PTPN9: variants seen among roughly 807,000 people sequenced by gnomAD.
The protein encoded by PTPN9 is protein tyrosine phosphatase non-receptor type 9.
In PTPN9, 26 loss-of-function variants were observed where a neutral mutation model predicts 69.8. The observed-to-expected ratio is 0.37, with a 90% CI of 0.27 to 0.52. The LOEUF (loss-of-function observed/expected upper bound fraction) is 0.52, where lower values mean the gene tolerates loss of function less well. Among genes scored for constraint, PTPN9 ranks in the 20% least tolerant of loss-of-function variants. The pLI is 0.91. For missense variants in PTPN9, 549 were observed against 740.3 expected (o/e 0.74, Z 3.00); for synonymous variants, 274 against 272.5 (o/e 1.01, Z -0.05).
chr15:75,488,127 A>G (rs1000853638), intron 8 of PTPN9, among the ~76,000 whole-genome samples: 1 of 152,036 alleles, frequency 6.6e-6, no homozygotes, highest in African/African-American at 2.4e-5. Context: ...CTAAAAATAC[A>G]AAAATTAGCC....
intron 1 of PTPN9, among the ~76,000 whole-genome samples, chr15:75,565,713 G>A (rs1179177768): frequency 6.6e-6 from 1 of 152,124 alleles, no homozygotes; most frequent in Non-Finnish European, 1.5e-5. Context: ...GCACTCATTT[G>A]CGAATCATTT....
chr15:75,516,484 T>G (rs977182193), intron 5 of PTPN9, among the ~76,000 whole-genome samples: 14 of 151,064 alleles, frequency 9.3e-5, no homozygotes, highest in Admixed American at 2.0e-4. Context: ...TTTTTTTTTT[T>G]TGTATTTTTA....
At chr15:75,524,432 A>C (rs2074918645) in intron 2 of PTPN9, 134 bp from the exon 3 acceptor site, 4 of 532,474 alleles carry the variant, frequency 7.5e-6, no homozygotes, top group Non-Finnish European at 1.3e-5. Flanking sequence ...TAACTAAATA[A>C]ATTTTGTAAC....
At chr15:75,576,575 C>T (rs2075174747) in intron 1 of PTPN9, among the ~76,000 whole-genome samples, 3 of 151,592 alleles carry the variant, frequency 2.0e-5, no homozygotes, top group South Asian at 2.1e-4. Flanking sequence ...TTTTGGAGGA[C>T]GAGGCGGGCA....
At chr15:75,533,315 G>A (rs1442428631) in intron 1 of PTPN9, among the ~76,000 whole-genome samples, 2 of 152,188 alleles carry the variant, frequency 1.3e-5, no homozygotes, top group African/African-American at 4.8e-5. Context: ...CGAGGATGGA[G>A]TGGAGCAATC....
At chr15:75,544,700 T>C (rs931986823) in intron 1 of PTPN9, among the ~76,000 whole-genome samples, 1 of 152,050 alleles carries the variant, frequency 6.6e-6, no homozygotes, top group Non-Finnish European at 1.5e-5. Context: ...CTCATGCCGC[T>C]AAAGAGTGAG....
rs563866488 is a variant in PTPN9 at position 75,572,104 on chromosome 15, C to T, written c.63+6610G>A. On this transcript the variant is annotated intron_variant, in intron 1 of 12. Coordinates refer to ENST00000618819, the MANE Select transcript of PTPN9 (RefSeq NM_002833.4). ...CCCAGCACTTTGGGCTGCTGAGGCA[C>T]GTGGATTACCTAAGGTCAAGAGTTC... Among the ~76,000 whole-genome samples the T allele has an allele frequency of 2.1e-4, 32 of 151,906 alleles. No homozygotes were observed. In the South Asian group the frequency reaches 6.4e-3, roughly 31 times the overall value.
intron 8 of PTPN9, among the ~76,000 whole-genome samples, chr15:75,488,344 T>G (rs1435988209): frequency 7.1e-6 from 1 of 140,530 alleles, no homozygotes; most frequent in African/African-American, 2.5e-5. Context: ...CAATGCTGGG[T>G]TTTTTTTTTT....
intron 9 of PTPN9, among the ~76,000 whole-genome samples, chr15:75,479,574 C>T (rs952883054): frequency 6.6e-6 from 1 of 152,176 alleles, no homozygotes; most frequent in Admixed American, 6.5e-5. Context: ...CTTGCCAATA[C>T]TAAGAAATAG....
At chr15:75,535,952 G>C (rs1474493454) in intron 1 of PTPN9, among the ~76,000 whole-genome samples, 1 of 152,040 alleles carries the variant, frequency 6.6e-6, no homozygotes, top group Non-Finnish European at 1.5e-5. Context: ...AATATTTACT[G>C]GTTTATCTCA....
chr15:75,514,671 ATG>A (rs536902503), intron 5 of PTPN9, among the ~76,000 whole-genome samples: 4 of 152,294 alleles, frequency 2.6e-5, no homozygotes, highest in Non-Finnish European at 5.9e-5. Flanking sequence ...CACACATTAT[ATG>A]TGTGTGTGTA....
chr15:75,555,122 A>G (rs186113728), intron 1 of PTPN9, among the ~76,000 whole-genome samples: 49 of 152,334 alleles, frequency 3.2e-4, no homozygotes, highest in African/African-American at 1.1e-3. Flanking sequence ...GAGAAAAATC[A>G]TGATAAATGC....
intron 1 of PTPN9, among the ~76,000 whole-genome samples, chr15:75,567,581 A>G (rs939274559): frequency 2.0e-5 from 3 of 152,238 alleles, no homozygotes; most frequent in African/African-American, 7.2e-5. Context: ...GAATAATTCA[A>G]TAAACTTACC....
chr15:75,473,860 A>C (rs1274513162), intron 9 of PTPN9, 93 bp from the exon 10 acceptor site: 1 of 945,694 alleles, frequency 1.1e-6, no homozygotes, highest in African/African-American at 1.6e-5. Context: ...TGGTAACTCC[A>C]AACCATAGAT....
chr15:75,494,963 G>A (rs1346279147), intron 7 of PTPN9, among the ~76,000 whole-genome samples: 1 of 152,058 alleles, frequency 6.6e-6, no homozygotes, highest in Non-Finnish European at 1.5e-5. Context: ...GGTGGAGGTT[G>A]CGGTGAGCTG....
intron 1 of PTPN9, among the ~76,000 whole-genome samples, chr15:75,564,025 A>C (rs1209918112): frequency 3.3e-5 from 5 of 152,046 alleles, no homozygotes; most frequent in Admixed American, 3.3e-4. Flanking sequence ...AAACATTTGG[A>C]GGTATACATG....
Position 75,535,605 on chromosome 15 carries a change from TC to T in PTPN9, c.64-8345del, listed in dbSNP as rs201667522. ...TGAAGACCTAAATAAGGAAAGTGAT[TC>T]AAGATAAGATGCAATGTCTGGCTTT... On this transcript the variant is annotated intron_variant, in intron 1 of 12. Transcript: ENST00000618819. Among the ~76,000 whole-genome samples, 55 of 152,314 alleles carry T rather than the reference TC, an allele frequency of 3.6e-4. No individual in the cohort carries two copies. In the East Asian group the frequency reaches 8.5e-3, roughly 23 times the overall value.
intron 1 of PTPN9, among the ~76,000 whole-genome samples, chr15:75,545,818 G>A (rs536960548): frequency 2.6e-5 from 4 of 152,186 alleles, no homozygotes; most frequent in East Asian, 1.9e-4. Flanking sequence ...GTGTGGTGGC[G>A]CACGCCTGTA....
chr15:75,575,010 G>GTTTTTTTTTTTTTTTTTT (rs1567533120), intron 1 of PTPN9, among the ~76,000 whole-genome samples: 1 of 15,768 alleles, frequency 6.3e-5, no homozygotes. Flanking sequence ...TTGAGACAGA[G>GTTTTTTTTTTTTTTTTTT]GAGACGGAGT....
Sources: allele counts gnomAD v4.1 joint callset (sites outside exome capture counted in the v4.1 genomes callset), GRCh38; gene constraint gnomAD v4.1.1; transcripts MANE v1.5; gene names NCBI Gene and HGNC (gene_info 2026-07-23, HGNC 2026-07-21).